Variants in BACH2 observed in about 807,000 individuals in gnomAD.
BACH2 encodes BACH transcriptional regulator 2.
Under a neutral mutation model 61.8 loss-of-function variants are expected in BACH2, and 5 were observed. The observed-to-expected ratio is 0.08, with a 90% CI of 0.04 to 0.17. BACH2 has a LOEUF of 0.17. Ranked by LOEUF, BACH2 falls within the 10% of genes least tolerant of loss-of-function variation. The pLI is 1.00. For synonymous variants in BACH2, 446 were observed against 440.1 expected (o/e 1.01, Z -0.17); for missense variants, 824 against 1,091.1 (o/e 0.76, Z 3.45).
intron 3 of BACH2, among the ~76,000 whole-genome samples, chr6:90,212,114 T>A (rs1385942547): frequency 6.6e-6 from 1 of 152,202 alleles, no homozygotes; most frequent in African/African-American, 2.4e-5. Flanking sequence ...CCAAATTTCC[T>A]CTACTCTATT....
intron 1 of BACH2, among the ~76,000 whole-genome samples, chr6:90,289,002 T>C (rs1772104830): frequency 6.6e-6 from 1 of 152,186 alleles, no homozygotes; most frequent in African/African-American, 2.4e-5. Flanking sequence ...TATGCATCAC[T>C]TTTACTTTCC....
chr6:90,269,180 C>T (rs868281657), intron 2 of BACH2, among the ~76,000 whole-genome samples: 3 of 151,856 alleles, frequency 2.0e-5, no homozygotes, highest in African/African-American at 7.3e-5. Flanking sequence ...TTAGGTGGGG[C>T]TAAGGTCTGA....
intron 1 of BACH2, among the ~76,000 whole-genome samples, chr6:90,294,127 A>G (rs1772263967): frequency 6.6e-6 from 1 of 152,196 alleles, no homozygotes; most frequent in Non-Finnish European, 1.5e-5. Flanking sequence ...CTATGAGTTC[A>G]GACACACACT....
chr6:89,942,554 A>G (rs1773496956), intron 7 of BACH2, among the ~76,000 whole-genome samples: 1 of 152,154 alleles, frequency 6.6e-6, no homozygotes, highest in African/African-American at 2.4e-5. Flanking sequence ...TTTCCTAAAG[A>G]GTCCCAACAG....
At chr6:90,074,381 C>T (rs2127802477) in intron 5 of BACH2, among the ~76,000 whole-genome samples, 2 of 152,162 alleles carry the variant, frequency 1.3e-5, no homozygotes, top group Middle Eastern at 6.8e-3. Context: ...CTCAACAAGC[C>T]AGAACAAAAG....
intron 5 of BACH2, among the ~76,000 whole-genome samples, chr6:90,059,892 G>T (rs577180900): frequency 6.8e-6 from 1 of 146,526 alleles, no homozygotes; most frequent in South Asian, 2.2e-4. Flanking sequence ...ACCAAACACC[G>T]CATGTTCTCA....
At chr6:90,169,998 A>C (rs992749297) in intron 4 of BACH2, among the ~76,000 whole-genome samples, 1 of 152,226 alleles carries the variant, frequency 6.6e-6, no homozygotes, top group African/African-American at 2.4e-5. Flanking sequence ...GGCATCGTAT[A>C]GTTGAAGTTC....
intron 2 of BACH2, among the ~76,000 whole-genome samples, chr6:90,271,141 TCTTCTAG>T (rs1442405100): frequency 1.3e-5 from 2 of 151,898 alleles, no homozygotes; most frequent in Non-Finnish European, 2.9e-5. Context: ...CTGGAAAAAC[TCTTCTAG>T]ACATTGGCTT....
chr6:90,037,767 C>A (rs915535395), intron 5 of BACH2, among the ~76,000 whole-genome samples: 4 of 152,196 alleles, frequency 2.6e-5, no homozygotes, highest in African/African-American at 7.2e-5. Flanking sequence ...GAAATAATAT[C>A]ATTGCAGATG....
chr6:90,092,342 A>C lies in BACH2; in HGVS notation c.-161-3233T>G, dbSNP rs796870208. On this transcript the variant is annotated intron_variant, in intron 4 of 8. Coordinates refer to ENST00000257749, the MANE Select transcript of BACH2 (RefSeq NM_021813.4). ...CACACACACACATTGCATCACTTGC[A>C]CTTGAACAAAGTTATTACTTTCAAT... Among the ~76,000 whole-genome samples, 5 of 147,442 alleles carry C rather than the reference A, an allele frequency of 3.4e-5. No individual in the cohort carries two copies. The South Asian group carries it at 6.5e-4, about 19-fold the overall frequency.
intron 5 of BACH2, among the ~76,000 whole-genome samples, chr6:90,030,203 G>T (rs115156534): frequency 6.6e-6 from 1 of 152,042 alleles, no homozygotes; most frequent in African/African-American, 2.4e-5. Context: ...CCAAACAGAG[G>T]ACCAATTATG....
At chr6:89,998,633 G>T (rs1301008392) in intron 6 of BACH2, among the ~76,000 whole-genome samples, 1 of 151,824 alleles carries the variant, frequency 6.6e-6, no homozygotes, top group Admixed American at 6.6e-5. Flanking sequence ...ACTGATTAGT[G>T]CCCACAATTT....
At chr6:89,990,187 C>A (rs1218840322) in intron 6 of BACH2, among the ~76,000 whole-genome samples, 1 of 152,160 alleles carries the variant, frequency 6.6e-6, no homozygotes, top group African/African-American at 2.4e-5. Context: ...TACAGCAGCT[C>A]CATGTGGGGA....
At chr6:90,067,994 A>C (rs925673345) in intron 5 of BACH2, among the ~76,000 whole-genome samples, 1 of 152,326 alleles carries the variant, frequency 6.6e-6, no homozygotes, top group East Asian at 1.9e-4. Flanking sequence ...CAATGGGGAT[A>C]TATCAGTGAA....
chr6:90,021,933 C>T (rs1285858619), intron 5 of BACH2, among the ~76,000 whole-genome samples: 6 of 152,134 alleles, frequency 3.9e-5, no homozygotes, highest in Admixed American at 3.9e-4. Context: ...CTAGTTAGTG[C>T]CAAGGGAACT....
intron 6 of BACH2, among the ~76,000 whole-genome samples, chr6:89,979,383 C>T (rs1775831884): frequency 6.6e-6 from 1 of 152,200 alleles, no homozygotes; most frequent in Non-Finnish European, 1.5e-5. Context: ...ACACTCCCCT[C>T]CAATTCTTGC....
At chr6:90,186,250 A>G (rs1768351938) in intron 4 of BACH2, among the ~76,000 whole-genome samples, 1 of 152,208 alleles carries the variant, frequency 6.6e-6, no homozygotes, top group African/African-American at 2.4e-5. Flanking sequence ...CACACACAAA[A>G]AATGTTCCAC....
At chr6:90,019,226 A>C (rs564422839) in intron 5 of BACH2, among the ~76,000 whole-genome samples, 209 of 152,358 alleles carry the variant, frequency 1.4e-3, no homozygotes, top group African/African-American at 4.8e-3. Context: ...GAGATTTATA[A>C]GGGACATCTC....
intron 8 of BACH2, among the ~76,000 whole-genome samples, chr6:89,934,856 C>A (rs897414626): frequency 6.6e-6 from 1 of 152,014 alleles, no homozygotes; most frequent in Non-Finnish European, 1.5e-5. Context: ...GCATGCGACA[C>A]GCACAAGGAA....
Sources: gnomAD v4.1 joint callset for allele counts (sites outside exome capture counted in the v4.1 genomes callset) on GRCh38, gnomAD v4.1.1 for gene constraint, MANE v1.5 for transcripts, NCBI Gene and HGNC (gene_info 2026-07-23, HGNC 2026-07-21) for gene names.